WDR24: variants seen among roughly 807,000 people sequenced by gnomAD.
WDR24 encodes WD repeat domain 24, also known as GATOR2 complex protein WDR24.
A neutral mutation model predicts 66.7 loss-of-function variants in WDR24; 32 were observed. The observed-to-expected ratio is 0.48, with a 90% CI of 0.36 to 0.64. WDR24 has a LOEUF of 0.64. Ranked by LOEUF, WDR24 falls within the 30% of genes least tolerant of loss-of-function variation. The pLI is 0.00. For synonymous variants in WDR24, 565 were observed against 469.1 expected (o/e 1.20, Z -2.64); for missense variants, 978 against 1,144.1 (o/e 0.85, Z 2.09).
Position 685,434 on chromosome 16 carries a change from G to A in WDR24, c.1842C>T (p.Phe614=), listed in dbSNP as rs551113002. The change falls in exon 7 of 9, where the codon TTC becomes TTT. Residue 614 remains phenylalanine, a synonymous_variant. Coordinates refer to ENST00000293883, the MANE Select transcript of WDR24 (RefSeq NM_032259.4). ...GCGCGTGTGAGACAGACAGGAGCGA[G>A]AAGGAGGAGTCCACGGGGGCCAGGG... is the stretch of plus-strand genomic sequence containing the variant. ...VASLAPVDSS[F]SLLSVSHALY... is the part of the protein sequence containing the mutation. 6 of 1,610,652 alleles carry A rather than the reference G, an allele frequency of 3.7e-6. No individual in the cohort carries two copies. The African/African-American group carries it at 6.7e-5, about 18-fold the overall frequency.
chr16:689,118 G>A (rs1390026067), intron 1 of WDR24, 42 bp downstream of exon 1: 1 of 1,601,480 alleles, frequency 6.2e-7, no homozygotes, highest in South Asian at 1.1e-5. Context: ...CTGGGCACCG[G>A]CAGAGACGCC....
In WDR24 at chr16:687,309, C is replaced by T. The variant is rs748662886; in HGVS notation, c.767G>A (p.Arg256His). 90 of 1,611,066 alleles carry T rather than the reference C, an allele frequency of 5.6e-5. No individual in the cohort carries two copies. Among genetic ancestry groups the T allele is most frequent in the Non-Finnish European group, 6.8e-5 (80 of 1,179,810 alleles). ...GCGGCACTCTGGCCGCCACTTCACA[C>T]GGGCCACCGAGGCGATGGTCTGCAC... ...HCVQTIASVARVKWRPECRHH... is the reference protein window; with the variant it reads ...HCVQTIASVAHVKWRPECRHH... Residue 256 changes from arginine (R) to histidine (H), a missense_variant, in exon 3 of 9, where the codon CGT (arginine) becomes CAT (histidine). Around this residue, in one of 2 missense-constraint regions of WDR24, gnomAD observed 302 missense variants for 526.6 expected, o/e 0.57. Transcript: ENST00000293883.
intron 1 of WDR24, 107 bp downstream of exon 1, chr16:689,053 G>T: frequency 6.6e-7 from 1 of 1,516,426 alleles, no homozygotes; most frequent in South Asian, 1.3e-5. Context: ...AGCCCTCTGG[G>T]AGTGATCCTG....
At chr16:686,630 C>T (rs745486199) in intron 3 of WDR24, 114 bp downstream of exon 3, 15 of 1,320,240 alleles carry the variant, frequency 1.1e-5, no homozygotes, top group African/African-American at 7.4e-5. Flanking sequence ...CCTGTTGGTG[C>T]GACTGGCTGG....
At chr16:687,450 G>T in intron 2 of WDR24, 34 bp from the exon 3 acceptor site, 1 of 1,571,200 alleles carries the variant, frequency 6.4e-7, no homozygotes, top group Non-Finnish European at 8.6e-7. Context: ...ACCCTCAGTG[G>T]CCTTTCCTGC....
rs772574567 is a variant in WDR24, at chr16:686,730, C to T, written c.1332+14G>A. Reference sequence around the variant, plus strand: ...GTCGTGGCCCAGGGACCCCCAGGCTCAGCACCTACCTACCTGGTTGCGGCC... The same window carrying T: ...GTCGTGGCCCAGGGACCCCCAGGCTTAGCACCTACCTACCTGGTTGCGGCC... On this transcript the variant is annotated intron_variant, in intron 3 of 8. Coordinates refer to ENST00000293883, the MANE Select transcript of WDR24 (RefSeq NM_032259.4). The T allele has an allele frequency of 6.3e-7, 1 of 1,579,530 alleles. No homozygotes were observed. The highest frequency in any genetic ancestry group is 8.6e-7 in the Non-Finnish European group (1 of 1,159,444).
rs2039901906 is a variant in WDR24 at position 686,094 on chromosome 16, G to C, written c.1425C>G (p.Gly475=). The change falls in exon 4 of 9, where the codon GGC becomes GGG. Residue 475 remains glycine, a synonymous_variant. Coordinates refer to ENST00000293883, the MANE Select transcript of WDR24 (RefSeq NM_032259.4). ...ANLNHSVGKG[G]SCGLPLMNSF... The stretch of plus-strand genomic sequence containing the variant: ...TGTTCATGAGCGGGAGGCCACAGGA[G>C]CCACCCTTGCCCACACTGTGGTTGA... The C allele has an allele frequency of 6.2e-7, 1 of 1,612,954 alleles. No individual in the cohort carries two copies. The highest frequency in any genetic ancestry group is 1.1e-5 in the South Asian group (1 of 91,086).
In WDR24 at chr16:687,466, G is replaced by A. The variant is rs199661325; in HGVS notation, c.660-50C>T. 154 of 1,571,936 alleles carry A rather than the reference G, an allele frequency of 9.8e-5. No homozygotes were observed. In the East Asian group the frequency reaches 3.3e-3, roughly 34 times the overall value. On this transcript the variant is annotated intron_variant, in intron 2 of 8. Transcript: ENST00000293883. ...CCCTCAGTGGCCTTTCCTGCAGAGA[G>A]GGGACCCCCCCGCTCTGCTGCTCCG... is the stretch of plus-strand genomic sequence containing the variant.
Position 686,053 on chromosome 16 carries a change from G to A in WDR24, c.1451+15C>T. ...GCAGCCCCAGCCCCTGGGGAGAGCT[G>A]CCCCCGGCATCTACCTGTTCATGAG... On this transcript the variant is annotated intron_variant, in intron 4 of 8. Transcript: ENST00000293883. 1.2e-6 allele frequency: 2 copies of A among 1,612,786 alleles called. No individual in the cohort carries two copies. The highest frequency in any genetic ancestry group is 8.5e-7 in the Non-Finnish European group (1 of 1,179,912).
chr16:684,655 C>T lies in WDR24; in HGVS notation c.*79G>A. Reference sequence around the variant, plus strand: ...ACTTCCTTTATTGAGGTCTCAAGTTCCAGCCTCCGCCCGTCTCGGGCACAA... The same window carrying T: ...ACTTCCTTTATTGAGGTCTCAAGTTTCAGCCTCCGCCCGTCTCGGGCACAA... On this transcript the variant is annotated 3_prime_UTR_variant, in exon 9 of 9. Coordinates refer to ENST00000293883, the MANE Select transcript of WDR24 (RefSeq NM_032259.4). 1 of 1,470,780 alleles carries T rather than the reference C, an allele frequency of 6.8e-7. No homozygotes were observed. Among genetic ancestry groups the T allele is most frequent in the Non-Finnish European group, 9.0e-7 (1 of 1,112,510 alleles). The allele number at this position is 1,470,780 out of a possible 1,614,324, so 91.1% of individuals were successfully genotyped here.
chr16:685,122 C>G lies in WDR24; in HGVS notation c.2074G>C (p.Val692Leu), dbSNP rs1240992988. 1 of 1,559,782 alleles carries G rather than the reference C, an allele frequency of 6.4e-7. No individual in the cohort carries two copies. Among genetic ancestry groups the G allele is most frequent in the South Asian group, 1.2e-5 (1 of 85,426 alleles). Residue 692 changes from valine to leucine, a missense_variant, in exon 8 of 9, where the codon GTG (valine) becomes CTG (leucine). Physicochemically the swap from Val to Leu is conservative, Grantham distance 32. Coordinates refer to ENST00000293883, the MANE Select transcript of WDR24 (RefSeq NM_032259.4). ...DLLQRFRLWNVSNEVVKLSTS... is the reference protein window; with the variant it reads ...DLLQRFRLWNLSNEVVKLSTS... ...CTCAGCTTGACCACCTCGTTGGACA[C>G]GTTCCAGAGGCGGAAGCGCTGCAGC...
Position 685,565 on chromosome 16 carries a change from C to A in WDR24, c.1711G>T (p.Ala571Ser). The A allele has an allele frequency of 1.3e-6, 2 of 1,588,336 alleles. No individual in the cohort carries two copies. Among genetic ancestry groups the A allele is most frequent in the Admixed American group, 1.7e-5 (1 of 59,266 alleles). The change falls in exon 7 of 9, where the codon GCC (alanine) becomes TCC (serine). Residue 571 changes from alanine (A) to serine (S), a missense_variant. Transcript: ENST00000293883. ...ACGATCTCGTGGCGCAGCGGAAAGG[C>A]CTCCTGCGGCAGCACGCACTCAGGG... ...EDPECVLPQE[A>S]FPLRHEIVDT...
Position 685,271 on chromosome 16 carries a change from C to T in WDR24, c.2005G>A (p.Asp669Asn), listed in dbSNP as rs376665117. 6.3e-7 allele frequency: 1 copy of T among 1,593,880 alleles called. No individual in the cohort carries two copies. The highest frequency in any genetic ancestry group is 8.5e-7 in the Non-Finnish European group (1 of 1,170,062). The change falls in exon 7 of 9, where the codon GAC becomes AAC. Residue 669 changes from aspartate (D) to asparagine (N), a missense_variant. Coordinates refer to ENST00000293883, the MANE Select transcript of WDR24 (RefSeq NM_032259.4). ...VLGERVRKDI[D>N]EQTQEHWYTS... ...CCACCACACACCTGGGTCTGCTCGT[C>T]GATGTCCTTGCGCACCCGTTCACCC...
intron 1 of WDR24, 173 bp from the exon 2 acceptor site, chr16:687,912 C>A (rs1186712555): frequency 2.3e-6 from 2 of 851,288 alleles, no homozygotes; most frequent in Non-Finnish European, 3.8e-6. Context: ...AGAGTCGCCA[C>A]AAGAGCCTGG....
At position 686,055 on chromosome 16, in the gene WDR24, C is replaced by T. The variant is rs1367523300; in HGVS notation, c.1451+13G>A. On this transcript the variant is annotated intron_variant, in intron 4 of 8. Transcript: ENST00000293883. Reference sequence around the variant, plus strand: ...AGCCCCAGCCCCTGGGGAGAGCTGCCCCCGGCATCTACCTGTTCATGAGCG... The same window carrying T: ...AGCCCCAGCCCCTGGGGAGAGCTGCTCCCGGCATCTACCTGTTCATGAGCG... 1.2e-6 allele frequency: 2 copies of T among 1,612,694 alleles called. No homozygotes were observed. The highest frequency in any genetic ancestry group is 2.7e-5 in the African/African-American group (2 of 74,938).
rs2039863404 is a variant in WDR24, at chr16:684,740, G to A, written c.2367C>T (p.Tyr789=). ...AAGCCCAGCAGATGCCCCGTCAGGAGTACTCGCAGAGGTGGCCGCAGCCTG... is the reference window on the plus strand; with the variant it reads ...AAGCCCAGCAGATGCCCCGTCAGGAATACTCGCAGAGGTGGCCGCAGCCTG... The part of the protein sequence containing the change: ...CPAGCGHLCE[Y]S Residue 789 remains tyrosine (Y), a synonymous_variant, in exon 9 of 9, where the codon TAC becomes TAT. Transcript: ENST00000293883. 6.3e-7 allele frequency: 1 copy of A among 1,596,092 alleles called. No homozygotes were observed. Among genetic ancestry groups the A allele is most frequent in the African/African-American group, 1.3e-5 (1 of 74,668 alleles).
At position 690,392 on chromosome 16, in the gene WDR24, G is replaced by A. The variant is rs1465627315; in HGVS notation, c.-752C>T. ...CACGGTTGTCCGGAACCGCCGCGCC[G>A]GAAGCCGCTGTCTTTCCCGTCCCTC... is the stretch of plus-strand genomic sequence containing the variant. On this transcript the variant is annotated 5_prime_UTR_variant, in exon 1 of 9. Transcript: ENST00000293883. 2 of 456,622 alleles carry A rather than the reference G, an allele frequency of 4.4e-6. No homozygotes were observed. Among genetic ancestry groups the A allele is most frequent in the South Asian group, 3.1e-5 (2 of 64,570 alleles). 28.3% of individuals were successfully genotyped at this position (456,622 alleles called of 1,614,324 possible).
rs889564244 is a variant in WDR24, at chr16:687,633, G to A, written c.588C>T (p.Pro196=). 9.3e-6 allele frequency: 15 copies of A among 1,613,394 alleles called. No individual in the cohort carries two copies. The African/African-American group carries it at 9.3e-5, about 10-fold the overall frequency. ...GNVQLWDIRR[P]DRCERMFTAH... ...CTGTGAACATCCTCTCGCACCGGTC[G>A]GGACGCCGGATGTCCCAGAGCTGCA... Residue 196 remains proline, a synonymous_variant, in exon 2 of 9, where the codon CCC becomes CCT. Coordinates refer to ENST00000293883, the MANE Select transcript of WDR24 (RefSeq NM_032259.4).
chr16:688,232 C>A, intron 1 of WDR24: 1 of 365,922 alleles, frequency 2.7e-6, no homozygotes, highest in Non-Finnish European at 5.5e-6. Context: ...ACCACCACAC[C>A]AAGAAACTTC....
Sources: allele counts gnomAD v4.1 joint callset, GRCh38; gene constraint gnomAD v4.1.1; regional missense constraint gnomAD v4.1.1; transcripts MANE v1.5; gene names NCBI Gene and HGNC (gene_info 2026-07-23, HGNC 2026-07-21).